Variants in BMX observed in about 807,000 individuals in gnomAD.
BMX encodes cytoplasmic tyrosine-protein kinase BMX.
BMX carries 31 observed loss-of-function variants against 59.2 expected under a neutral mutation model. The observed-to-expected ratio is 0.52, with a 90% CI of 0.39 to 0.71. The LOEUF is 0.71. Among genes scored for constraint, BMX ranks in the 30% least tolerant of loss-of-function variants. The probability of loss-of-function intolerance (pLI) is 0.00; values close to 1 mark genes in which losing one functional copy is unlikely to be tolerated. For missense variants in BMX, 474 were observed against 491.7 expected, an observed-to-expected ratio of 0.96 and a Z score of 0.34; for synonymous variants, 185 against 181.0, an observed-to-expected ratio of 1.02 and a Z score of -0.18.
At chrX:15,528,467 G>A (rs973523122) in intron 9 of BMX, among the ~76,000 whole-genome samples, 2 of 111,161 alleles carry the variant, frequency 1.8e-5, no homozygotes, top group African/African-American at 3.3e-5. Context: ...GAGACCAGCC[G>A]GGGCAACATG....
In BMX at chrX:15,543,095, A is replaced by G. The variant is rs149547172; in HGVS notation, c.1636A>G (p.Arg546Gly). 9 of 1,208,863 alleles carry G rather than the reference A, an allele frequency of 7.4e-6. No homozygotes were observed. In the African/African-American group the frequency reaches 1.4e-4, roughly 19 times the overall value. Residue 546 changes from arginine (R) to glycine (G), a missense_variant, in exon 16 of 19, where the codon AGA becomes GGA. Arg to Gly is a moderately radical substitution (Grantham distance 125). Transcript: ENST00000348343. ...GGCTGCTCGTAACTGCTTGGTGGAC[A>G]GAGATCTCTGTGTGAAAGTATCTGA... ...DLAARNCLVD[R>G]DLCVKVSDFG... is the part of the protein sequence containing the mutation.
chrX:15,526,032 T>C lies in BMX; in HGVS notation c.831-10T>C. On this transcript the variant is annotated splice_polypyrimidine_tract_variant and intron_variant, in intron 8 of 18. Coordinates refer to ENST00000348343, the MANE Select transcript of BMX (RefSeq NM_203281.3). ...TTTCTGCACTCACGTTTTTCTCAAC[T>C]CTTCTTAAGGGAATTCCCTGAGTCA... 2 of 1,203,525 alleles carry C rather than the reference T, an allele frequency of 1.7e-6. No homozygotes were observed. Among genetic ancestry groups the C allele is most frequent in the Non-Finnish European group, 2.2e-6 (2 of 890,923 alleles).
intron 6 of BMX, among the ~76,000 whole-genome samples, chrX:15,519,064 T>C (rs979862732): frequency 1.8e-5 from 2 of 111,972 alleles, no homozygotes; most frequent in African/African-American, 6.5e-5. Context: ...TACTGCTGTC[T>C]TTTTGCTCTA....
intron 17 of BMX, among the ~76,000 whole-genome samples, chrX:15,547,720 CTTATT>C (rs1926010361): frequency 8.9e-6 from 1 of 111,903 alleles, no homozygotes; most frequent in African/African-American, 3.3e-5. Context: ...TTTGCTGACT[CTTATT>C]TTACTAAAAT....
In BMX at chrX:15,522,486, C is replaced by T. The variant is rs1485857887; in HGVS notation, c.651C>T (p.Asp217=). 8.2e-7 allele frequency: 1 copy of T among 1,212,240 alleles called. No homozygotes were observed. The highest frequency in any genetic ancestry group is 1.1e-6 in the Non-Finnish European group (1 of 895,576). ...CAAGTACCAGTCTAGCGCAATATGA[C>T]AGCAACTCAAAGAAAATCTATGGCT... ...PSSSTSLAQY[D]SNSKKIYGSQ... is the part of the protein sequence containing the mutation. The change falls in exon 7 of 19, where the codon GAC becomes GAT. Residue 217 remains aspartate (D), a synonymous_variant. Coordinates refer to ENST00000348343, the MANE Select transcript of BMX (RefSeq NM_203281.3).
At chrX:15,539,004 T>G (rs1011921505) in intron 14 of BMX, among the ~76,000 whole-genome samples, 1 of 111,358 alleles carries the variant, frequency 9.0e-6, no homozygotes, top group African/African-American at 3.3e-5. Flanking sequence ...AAGTAATACT[T>G]CGTGATTTTT....
In BMX at chrX:15,526,440, G is replaced by A. The variant is rs763294287; in HGVS notation, c.884+345G>A. On this transcript the variant is annotated intron_variant, in intron 9 of 18. Transcript: ENST00000348343. ...TTTCCTGGAGACCTCTAATTAAGGT[G>A]ATGTTTGAAAGCTCTTATTAACATT... 1.5e-4 allele frequency among the ~76,000 whole-genome samples: 17 copies of A among 112,089 alleles called. 1 individual carries two copies. The South Asian group carries it at 6.3e-3, about 42-fold the overall frequency.
chrX:15,523,919 A>C (rs1053589513), intron 7 of BMX, among the ~76,000 whole-genome samples: 1 of 112,292 alleles, frequency 8.9e-6, no homozygotes, highest in African/African-American at 3.2e-5. Context: ...CAAAGGATTG[A>C]TTGATCACCT....
chrX:15,555,988 C>A, intron 18 of BMX, 85 bp from the exon 19 acceptor site: 1 of 939,624 alleles, frequency 1.1e-6, no homozygotes, highest in Non-Finnish European at 1.5e-6. Flanking sequence ...AGCTTTAGGA[C>A]TTAGATGTAA....
chrX:15,539,428 G>A (rs771980767), intron 14 of BMX, among the ~76,000 whole-genome samples: 10 of 111,236 alleles, frequency 9.0e-5, no homozygotes, highest in Admixed American at 5.7e-4. Flanking sequence ...CCTGGGCAGT[G>A]ACTGAATTTG....
intron 18 of BMX, among the ~76,000 whole-genome samples, chrX:15,551,378 ACCT>A (rs994238943): frequency 9.1e-6 from 1 of 110,037 alleles, no homozygotes; most frequent in African/African-American, 3.3e-5. Context: ...CCTTGTACAA[ACCT>A]CCTATTATTA....
intron 8 of BMX, among the ~76,000 whole-genome samples, chrX:15,525,751 C>A (rs1371953068): frequency 5.4e-5 from 6 of 111,803 alleles, no homozygotes; most frequent in Non-Finnish European, 1.1e-4. Flanking sequence ...TTTCGTGAGC[C>A]CACTCTTTGG....
At chrX:15,530,596 G>A (rs978205976) in intron 10 of BMX, among the ~76,000 whole-genome samples, 2 of 111,779 alleles carry the variant, frequency 1.8e-5, no homozygotes, top group African/African-American at 6.5e-5. Context: ...GTATGGGAGG[G>A]GACTGCTCAC....
intron 17 of BMX, among the ~76,000 whole-genome samples, chrX:15,549,029 C>T (rs144440367): frequency 0.018 from 1,961 of 111,145 alleles, 53 homozygotes; most frequent in African/African-American, 0.061. Flanking sequence ...ATTTTATAGA[C>T]GGAGAACCTG....
Position 15,516,476 on chromosome X carries a change from T to G in BMX, c.445+245T>G, listed in dbSNP as rs187549180. On this transcript the variant is annotated intron_variant, in intron 5 of 18. Transcript: ENST00000348343. ...TTCTTTCATTTCATGAGAAACATTT[T>G]AAAAATTTGAATCATTAATCAAGCA... Among the ~76,000 whole-genome samples the G allele has an allele frequency of 2.1e-4, 23 of 112,143 alleles. No individual in the cohort carries two copies. In the East Asian group the frequency reaches 2.2e-3, roughly 11 times the overall value.
intron 16 of BMX, 62 bp from the exon 17 acceptor site, chrX:15,546,741 T>C: frequency 1.0e-6 from 1 of 980,432 alleles, no homozygotes; most frequent in Non-Finnish European, 1.4e-6. Context: ...GTGGCTTCCG[T>C]GTCCTTCATC....
chrX:15,505,018 G>A (rs1923689761), intron 1 of BMX, among the ~76,000 whole-genome samples: 1 of 112,370 alleles, frequency 8.9e-6, no homozygotes, highest in South Asian at 3.7e-4. Flanking sequence ...AAGAAGAGCA[G>A]GGTTTGCTAG....
At position 15,549,409 on chromosome X, in the gene BMX, A is replaced by G. The variant is rs531248368; in HGVS notation, c.1796-431A>G. Reference sequence around the variant, plus strand: ...ATTGTGCAATGAAATTGTTGCATGCAGCTGCCAAAGCCGAGAGACGGAATG... The same window carrying G: ...ATTGTGCAATGAAATTGTTGCATGCGGCTGCCAAAGCCGAGAGACGGAATG... On this transcript the variant is annotated intron_variant, in intron 17 of 18. Coordinates refer to ENST00000348343, the MANE Select transcript of BMX (RefSeq NM_203281.3). 2.7e-5 allele frequency among the ~76,000 whole-genome samples: 3 copies of G among 112,122 alleles called. No individual in the cohort carries two copies. The South Asian group carries it at 1.1e-3, about 41-fold the overall frequency.
At chrX:15,520,537 G>C (rs7888221) in intron 6 of BMX, among the ~76,000 whole-genome samples, 10,418 of 111,523 alleles carry the variant, frequency 0.093, 1,170 homozygotes, top group African/African-American at 0.32. Context: ...GTTTTGACAA[G>C]TCTAAGAGCA....
Sources: allele counts gnomAD v4.1 joint callset (sites outside exome capture counted in the v4.1 genomes callset), GRCh38; gene constraint gnomAD v4.1.1; transcripts MANE v1.5; gene names NCBI Gene and HGNC (gene_info 2026-07-23, HGNC 2026-07-21).